The following ANO2 variants were observed in gnomAD, a reference collection of about 807,000 sequenced individuals.
ANO2 encodes the protein anoctamin-2.
A neutral mutation model predicts 124.2 loss-of-function variants in ANO2; 101 were observed. The ratio of observed to expected loss-of-function variants is 0.81; its 90% CI spans 0.69 to 0.96. ANO2 has a LOEUF of 0.96. Ranked by LOEUF, ANO2 falls within the 40% of genes least tolerant of loss-of-function variation. The pLI is 0.00. For synonymous variants in ANO2, 486 were observed against 482.5 expected (o/e 1.01, Z -0.09); for missense variants, 1,293 against 1,274.5 (o/e 1.01, Z -0.22).
intron 20 of ANO2, among the ~76,000 whole-genome samples, chr12:5,596,836 C>G (rs1232288958): frequency 6.6e-6 from 1 of 152,196 alleles, no homozygotes; most frequent in Non-Finnish European, 1.5e-5. Flanking sequence ...GTTAGGCCCT[C>G]TTCTAAGCAC....
At chr12:5,578,783 TCCTTTAC>T (rs1199876194) in intron 20 of ANO2, among the ~76,000 whole-genome samples, 1 of 152,240 alleles carries the variant, frequency 6.6e-6, no homozygotes, top group African/African-American at 2.4e-5. Flanking sequence ...CTTAATTGCT[TCCTTTAC>T]CCTTTACTGC....
chr12:5,909,923 A>T (rs559343638), intron 3 of ANO2, among the ~76,000 whole-genome samples: 10 of 152,146 alleles, frequency 6.6e-5, no homozygotes, highest in African/African-American at 2.2e-4. Flanking sequence ...AAATCTATGG[A>T]CCCTACTCAG....
At chr12:5,921,421 A>G (rs1941697759) in intron 2 of ANO2, 55 bp from the exon 3 acceptor site, 3 of 1,538,186 alleles carry the variant, frequency 2.0e-6, no homozygotes. Context: ...GGGGTGAGAA[A>G]CAGAGGAGGC....
intron 24 of ANO2, 147 bp downstream of exon 24, chr12:5,565,411 G>A: frequency 1.4e-6 from 1 of 711,878 alleles, no homozygotes; most frequent in South Asian, 1.8e-5. Context: ...ACCCGGAAAG[G>A]AGCCCTCACT....
chr12:5,704,415 T>C (rs189517467), intron 14 of ANO2, among the ~76,000 whole-genome samples: 10 of 152,294 alleles, frequency 6.6e-5, no homozygotes, highest in Admixed American at 6.5e-4. Flanking sequence ...GCATAGCTTT[T>C]AAATGGGTGG....
At chr12:5,607,638 AT>A (rs1262456210) in intron 19 of ANO2, among the ~76,000 whole-genome samples, 1 of 152,064 alleles carries the variant, frequency 6.6e-6, no homozygotes, top group African/African-American at 2.4e-5. Context: ...CTTCATCTGT[AT>A]TTATAGCCAC....
intron 7 of ANO2, among the ~76,000 whole-genome samples, chr12:5,813,294 C>T (rs1427029357): frequency 6.6e-6 from 1 of 152,176 alleles, no homozygotes; most frequent in Non-Finnish European, 1.5e-5. Context: ...TTGCAATACA[C>T]TTCATATTCC....
At chr12:5,679,653 G>T (rs1203598146) in intron 14 of ANO2, among the ~76,000 whole-genome samples, 1 of 152,198 alleles carries the variant, frequency 6.6e-6, no homozygotes, top group Non-Finnish European at 1.5e-5. Flanking sequence ...TGTTGGTGAG[G>T]TTAGGAAGAA....
chr12:5,611,742 G>A (rs1051317790), intron 19 of ANO2, among the ~76,000 whole-genome samples: 1 of 152,194 alleles, frequency 6.6e-6, no homozygotes, highest in Non-Finnish European at 1.5e-5. Flanking sequence ...AACAATTAAT[G>A]TATCTCTAAG....
chr12:5,578,326 G>A, intron 21 of ANO2, 40 bp downstream of exon 21: 2 of 1,599,248 alleles, frequency 1.3e-6, no homozygotes, highest in South Asian at 1.1e-5. Context: ...CAGAATGGCA[G>A]AAGGATGGGC....
rs1308934587 is a variant in ANO2, at chr12:5,862,791, T to C, written c.535-8650A>G. Among the ~76,000 whole-genome samples the C allele has an allele frequency of 2.6e-5, 4 of 152,162 alleles. No individual in the cohort carries two copies. The highest frequency in any genetic ancestry group is 2.6e-4 in the Admixed American group (4 of 15,294). ...TTTTATAAGGGAAAACCTCTTTCTT[T>C]CTTTCTTTCTTTTTTTGAGACAAAA... On this transcript the variant is annotated intron_variant, in intron 3 of 24. Coordinates refer to ENST00000682330, the MANE Select transcript of ANO2 (RefSeq NM_001364791.2). This position sits in a 1 kb window ranked among gnomAD's most constrained non-coding sequence, Gnocchi z 4.0.
intron 14 of ANO2, among the ~76,000 whole-genome samples, chr12:5,652,034 T>C (rs1442727099): frequency 6.6e-6 from 1 of 152,248 alleles, no homozygotes; most frequent in African/African-American, 2.4e-5. Flanking sequence ...TTTTTGGCAA[T>C]TATGAATAAA....
chr12:5,597,147 C>A (rs1251665241), intron 20 of ANO2, among the ~76,000 whole-genome samples: 1 of 152,064 alleles, frequency 6.6e-6, no homozygotes, highest in African/African-American at 2.4e-5. Flanking sequence ...GTTTGTCACA[C>A]AGGTAAACTT....
chr12:5,585,459 C>T (rs1164161637), intron 20 of ANO2, among the ~76,000 whole-genome samples: 2 of 152,084 alleles, frequency 1.3e-5, no homozygotes, highest in Admixed American at 6.6e-5. Flanking sequence ...CATTTGGCTC[C>T]GAGTTTTCTT....
intron 6 of ANO2, among the ~76,000 whole-genome samples, chr12:5,829,058 T>C (rs1954072287): frequency 1.3e-5 from 2 of 152,196 alleles, no homozygotes; most frequent in Non-Finnish European, 2.9e-5. Flanking sequence ...TGTTATTCCA[T>C]CATTATTTAC....
chr12:5,627,536 A>C (rs1161001834), intron 16 of ANO2, among the ~76,000 whole-genome samples: 1 of 152,210 alleles, frequency 6.6e-6, no homozygotes, highest in Non-Finnish European at 1.5e-5. Flanking sequence ...CAGACCCCCC[A>C]TCCCAGAGCA....
chr12:5,860,478 G>C (rs1397875681), intron 3 of ANO2, among the ~76,000 whole-genome samples: 3 of 152,106 alleles, frequency 2.0e-5, no homozygotes, highest in Non-Finnish European at 4.4e-5. Flanking sequence ...AAATATTTCT[G>C]GCAACTTCAG....
At chr12:5,633,269 CTA>C (rs1243748515) in intron 16 of ANO2, among the ~76,000 whole-genome samples, 1 of 152,204 alleles carries the variant, frequency 6.6e-6, no homozygotes, top group East Asian at 1.9e-4. Flanking sequence ...AGGTGTTCTT[CTA>C]TGCCTCTCCA....
rs139432935 is a variant in ANO2 at position 5,636,963 on chromosome 12, G to A, written c.1621-1616C>T. 1.3e-4 allele frequency among the ~76,000 whole-genome samples: 20 copies of A among 151,882 alleles called. No homozygotes were observed. The highest frequency in any genetic ancestry group is 4.6e-4 in the African/African-American group (19 of 41,416). On this transcript the variant is annotated intron_variant, in intron 15 of 24. Coordinates refer to ENST00000682330, the MANE Select transcript of ANO2 (RefSeq NM_001364791.2). This position sits in a 1 kb window ranked among gnomAD's most constrained non-coding sequence, Gnocchi z 4.6. ...TTGGTAAGGAAGGGAGAAAGGTGGC[G>A]TTCTCTGGGTAGAGGAAGGCTGTGT...
Sources: allele counts gnomAD v4.1 joint callset (sites outside exome capture counted in the v4.1 genomes callset), GRCh38; gene constraint gnomAD v4.1.1; non-coding constraint Gnocchi (gnomAD v3.1); transcripts MANE v1.5; gene names NCBI Gene and HGNC (gene_info 2026-07-23, HGNC 2026-07-21).